FARS2: variants seen among roughly 807,000 people sequenced by gnomAD.
The protein encoded by FARS2 is phenylalanyl-tRNA synthetase 2, mitochondrial, also known as phenylalanine--tRNA ligase, mitochondrial.
Under a neutral mutation model 46.4 loss-of-function variants are expected in FARS2, and 40 were observed. The ratio of observed to expected loss-of-function variants is 0.86; its 90% CI spans 0.67 to 1.12. FARS2 has a LOEUF of 1.12. Ranked by LOEUF, FARS2 falls within the 50% of genes most tolerant of loss-of-function variation. FARS2 has a pLI of 0.00. For missense variants in FARS2, 513 were observed against 567.9 expected (o/e 0.90, Z 0.98); for synonymous variants, 234 against 214.9 (o/e 1.09, Z -0.78).
At chr6:5,418,385 TA>T (rs1452956238) in intron 3 of FARS2, among the ~76,000 whole-genome samples, 6 of 152,236 alleles carry the variant, frequency 3.9e-5, no homozygotes, top group Non-Finnish European at 5.9e-5. Context: ...GTCTTCTTTT[TA>T]AGCCTTACTA....
At chr6:5,558,703 A>AT (rs1380778224) in intron 5 of FARS2, among the ~76,000 whole-genome samples, 2 of 151,476 alleles carry the variant, frequency 1.3e-5, no homozygotes, top group African/African-American at 4.9e-5. Flanking sequence ...CACCCAGCTT[A>AT]TTTTTTTATT....
chr6:5,496,457 G>A (rs534919264), intron 4 of FARS2, among the ~76,000 whole-genome samples: 50 of 152,194 alleles, frequency 3.3e-4, no homozygotes, highest in Non-Finnish European at 5.1e-4. Flanking sequence ...GAGGGTGTGC[G>A]TGCATTAACT....
intron 6 of FARS2, among the ~76,000 whole-genome samples, chr6:5,709,671 G>GGTGT (rs771506886): frequency 1.2e-4 from 12 of 97,122 alleles, no homozygotes; most frequent in African/African-American, 2.8e-4. Context: ...GTTCCAAGAG[G>GGTGT]GTGTGTGTGT....
At chr6:5,575,558 A>G (rs1196234843) in intron 5 of FARS2, among the ~76,000 whole-genome samples, 2 of 152,204 alleles carry the variant, frequency 1.3e-5, no homozygotes, top group South Asian at 4.1e-4. Flanking sequence ...AGGAAATTTC[A>G]TGTTGATTCA....
chr6:5,255,904 A>G, the FARS2 span, among the ~76,000 whole-genome samples: 6 of 152,194 alleles, frequency 3.9e-5, no homozygotes, highest in Admixed American at 1.3e-4. Context: ...TAGTATTCCT[A>G]GATAATTCAT....
intron 3 of FARS2, among the ~76,000 whole-genome samples, chr6:5,427,382 A>T (rs1347589031): frequency 2.0e-5 from 3 of 152,260 alleles, no homozygotes; most frequent in African/African-American, 7.2e-5. Context: ...AAAAGCACAG[A>T]TTTTGACTTT....
chr6:5,276,978 C>T (rs1432490138), intron 1 of FARS2, among the ~76,000 whole-genome samples: 1 of 152,196 alleles, frequency 6.6e-6, no homozygotes, highest in African/African-American at 2.4e-5. Context: ...CTCAGTATCT[C>T]CTGAGCCAGC....
intron 1 of FARS2, among the ~76,000 whole-genome samples, chr6:5,293,698 T>C (rs571834943): frequency 6.6e-6 from 1 of 152,316 alleles, no homozygotes; most frequent in East Asian, 1.9e-4. Flanking sequence ...TTGTTGTCGT[T>C]GTTCATCAAT....
At chr6:5,326,670 A>G (rs1211584564) in intron 1 of FARS2, among the ~76,000 whole-genome samples, 1 of 152,180 alleles carries the variant, frequency 6.6e-6, no homozygotes, top group Non-Finnish European at 1.5e-5. Context: ...ACACCACTGG[A>G]GCCTGGTGGC....
intron 2 of FARS2, among the ~76,000 whole-genome samples, chr6:5,402,112 T>C (rs553130174): frequency 1.1e-4 from 16 of 152,172 alleles, no homozygotes; most frequent in Non-Finnish European, 2.2e-4. Flanking sequence ...ACCATCCTCC[T>C]TCTGGTTGTT....
chr6:5,620,363 A>G (rs1388979997), intron 6 of FARS2, among the ~76,000 whole-genome samples: 1 of 152,148 alleles, frequency 6.6e-6, no homozygotes, highest in Non-Finnish European at 1.5e-5. Flanking sequence ...ATTGTACTTC[A>G]TTTTATGTTA....
intron 4 of FARS2, among the ~76,000 whole-genome samples, chr6:5,510,083 T>C (rs988820438): frequency 2.6e-5 from 4 of 152,178 alleles, no homozygotes; most frequent in Admixed American, 1.3e-4. Context: ...TAGATTTTTA[T>C]AGGACAACCA....
At chr6:5,622,487 T>G (rs745773368) in intron 6 of FARS2, among the ~76,000 whole-genome samples, 1 of 152,240 alleles carries the variant, frequency 6.6e-6, no homozygotes, top group Non-Finnish European at 1.5e-5. Flanking sequence ...TGTGTTGGTA[T>G]TAAGAAACGA....
chr6:5,657,067 G>A (rs1274265680), intron 6 of FARS2, among the ~76,000 whole-genome samples: 1 of 152,000 alleles, frequency 6.6e-6, no homozygotes, highest in African/African-American at 2.4e-5. Context: ...CTTATGTAAT[G>A]CATATATGTA....
intron 6 of FARS2, among the ~76,000 whole-genome samples, chr6:5,731,473 C>T (rs554118086): frequency 1.2e-4 from 18 of 152,328 alleles, no homozygotes; most frequent in African/African-American, 4.3e-4. Flanking sequence ...CTTCTGCACT[C>T]ACGCCCTGGG....
chr6:5,306,251 T>C (rs945310574), intron 1 of FARS2, among the ~76,000 whole-genome samples: 2 of 152,190 alleles, frequency 1.3e-5, no homozygotes, highest in African/African-American at 4.8e-5. Flanking sequence ...CATTTGGTTG[T>C]GTAGTTGAGA....
intron 5 of FARS2, among the ~76,000 whole-genome samples, chr6:5,580,044 C>G: frequency 6.6e-6 from 1 of 151,856 alleles, no homozygotes. Flanking sequence ...GTAATCCCAA[C>G]ACTTTAGGAG....
At chr6:5,371,558 A>G (rs571075533) in intron 2 of FARS2, among the ~76,000 whole-genome samples, 6 of 152,282 alleles carry the variant, frequency 3.9e-5, no homozygotes, top group Admixed American at 3.3e-4. Flanking sequence ...ATTTTGAAAA[A>G]TAGTAAAATG....
intron 1 of FARS2, among the ~76,000 whole-genome samples, chr6:5,341,235 A>ATATATTT (rs1561970178): frequency 2.9e-4 from 3 of 10,268 alleles, no homozygotes; most frequent in Non-Finnish European, 6.0e-4. Flanking sequence ...ATATATATAT[A>ATATATTT]TTTTTTTTTT....
Sources: allele counts gnomAD v4.1 joint callset (sites outside exome capture counted in the v4.1 genomes callset), GRCh38; gene constraint gnomAD v4.1.1; transcripts MANE v1.5; gene names NCBI Gene and HGNC (gene_info 2026-07-23, HGNC 2026-07-21).